GCFC2: variants seen among roughly 807,000 people sequenced by gnomAD.
GCFC2 encodes GC-rich sequence DNA-binding factor 2.
A neutral mutation model predicts 99.4 loss-of-function variants in GCFC2; 102 were observed. The observed-to-expected ratio is 1.03, with a 90% CI of 0.87 to 1.21. The LOEUF (loss-of-function observed/expected upper bound fraction) is 1.21, where lower values mean the gene tolerates loss of function less well. GCFC2 is among the 50% of genes most tolerant of loss of function. The pLI is 0.00. For synonymous variants in GCFC2, 338 were observed against 316.8 expected (o/e 1.07, Z -0.71); for missense variants, 973 against 920.9 (o/e 1.06, Z -0.73).
chr2:75,700,996 G>A (rs33915308), intron 4 of GCFC2, among the ~76,000 whole-genome samples, 194 bp downstream of exon 4: 1 of 152,016 alleles, frequency 6.6e-6, no homozygotes, highest in Non-Finnish European at 1.5e-5. Flanking sequence ...GTTGCAAAAG[G>A]CAAGGAAGAA....
At chr2:75,700,156 C>T (rs930294804) in intron 4 of GCFC2, among the ~76,000 whole-genome samples, 7 of 152,090 alleles carry the variant, frequency 4.6e-5, no homozygotes, top group African/African-American at 7.2e-5. Flanking sequence ...CTCAGCCTCC[C>T]GAGCTTTGGT....
chr2:75,683,259 T>A (rs974127818), intron 11 of GCFC2, among the ~76,000 whole-genome samples: 2 of 151,906 alleles, frequency 1.3e-5, no homozygotes, highest in African/African-American at 4.9e-5. Context: ...GCAGAAACCC[T>A]ACAAGCTACA....
rs371161074 is a variant in GCFC2, at chr2:75,680,278, G to A, written c.1727C>T (p.Ser576Leu). ...ATGTGTTATTAAACTTGTTGTCTGT[G>A]AGGTTGACAAAGGATCCCAAAGGAA... ...VEFLWDPLST[S>L]QTTSLITHCR... Residue 576 changes from serine to leucine, a missense_variant, in exon 12 of 17, where the codon TCA (serine) becomes TTA (leucine). Ser to Leu is a moderately radical substitution (Grantham distance 145). Transcript: ENST00000321027. 1 of 1,608,154 alleles carries A rather than the reference G, an allele frequency of 6.2e-7. No homozygotes were observed. The highest frequency in any genetic ancestry group is 1.3e-5 in the African/African-American group (1 of 74,874).
chr2:75,689,278 G>C (rs1428222243), intron 9 of GCFC2, 53 bp from the exon 10 acceptor site: 1 of 991,420 alleles, frequency 1.0e-6, no homozygotes, highest in East Asian at 2.5e-5. Context: ...CTTTAAGTAT[G>C]CTTCCTTAAA....
At chr2:75,689,275 T>A in intron 9 of GCFC2, 50 bp from the exon 10 acceptor site, 1 of 999,114 alleles carries the variant, frequency 1.0e-6, no homozygotes, top group Non-Finnish European at 1.6e-6. Flanking sequence ...GAACTTTAAG[T>A]ATGCTTCCTT....
intron 4 of GCFC2, among the ~76,000 whole-genome samples, chr2:75,698,824 C>T (rs1292038439): frequency 1.3e-5 from 2 of 151,884 alleles, no homozygotes; most frequent in East Asian, 1.9e-4. Flanking sequence ...CCAGCCTAGG[C>T]AACATGATGA....
chr2:75,676,878 C>A (rs1337492556), intron 12 of GCFC2, among the ~76,000 whole-genome samples: 1 of 152,144 alleles, frequency 6.6e-6, no homozygotes, highest in African/African-American at 2.4e-5. Context: ...ACAAGTCTTA[C>A]AGAATTCCTA....
At position 75,663,161 on chromosome 2, in the gene GCFC2, C is replaced by G. The variant is rs994166555; in HGVS notation, c.*1505G>C. 1 of 152,154 alleles carries G rather than the reference C, an allele frequency of 6.6e-6. No individual in the cohort carries two copies. Among genetic ancestry groups the G allele is most frequent in the African/African-American group, 2.4e-5 (1 of 41,442 alleles). The allele number at this position is 152,154 out of a possible 1,614,324, so 9.4% of individuals were successfully genotyped here. On this transcript the variant is annotated 3_prime_UTR_variant, in exon 17 of 17. Transcript: ENST00000321027. ...AGTGAATCACAAGTCCTCACTGCAA[C>G]AGACATAACAAATCCAACTCCTAAA...
intron 2 of GCFC2, among the ~76,000 whole-genome samples, chr2:75,705,341 T>C (rs1419938682): frequency 6.6e-6 from 1 of 152,098 alleles, no homozygotes; most frequent in Non-Finnish European, 1.5e-5. Flanking sequence ...GAAGCACTTA[T>C]GGCCGGGCGT....
At position 75,663,633 on chromosome 2, in the gene GCFC2, T is replaced by TAG. The variant is rs1229574444; in HGVS notation, c.*1031_*1032dup. The TAG allele has an allele frequency of 3.3e-5, 5 of 152,084 alleles. No individual in the cohort carries two copies. Among genetic ancestry groups the TAG allele is most frequent in the African/African-American group, 9.7e-5 (4 of 41,394 alleles). 9.4% of individuals were successfully genotyped at this position (152,084 alleles called of 1,614,324 possible). ...CAGCACTTTGGGAGGTCAAGGTGGGTAGACTGCTTGAGCTCAAGAGTTCGA... is the reference window on the plus strand; with the variant it reads ...CAGCACTTTGGGAGGTCAAGGTGGGTAGAGACTGCTTGAGCTCAAGAGTTCGA... On this transcript the variant is annotated 3_prime_UTR_variant, in exon 17 of 17. Coordinates refer to ENST00000321027, the MANE Select transcript of GCFC2 (RefSeq NM_003203.5).
At chr2:75,712,865 C>G (rs1399725047), upstream of GCFC2, among the ~76,000 whole-genome samples, 2 of 152,202 alleles carry the variant, frequency 1.3e-5, no homozygotes, top group African/African-American at 4.8e-5. Context: ...AAGAACCCAC[C>G]AATTCCGGAC....
chr2:75,711,246 C>T (rs2104447690), upstream of GCFC2: 1 of 983,766 alleles, frequency 1.0e-6, no homozygotes, highest in South Asian at 4.7e-5. Flanking sequence ...TTGTCTTTTA[C>T]TTTCTGGAGA....
At chr2:75,699,288 T>C (rs1445006214) in intron 4 of GCFC2, among the ~76,000 whole-genome samples, 1 of 152,224 alleles carries the variant, frequency 6.6e-6, no homozygotes, top group Admixed American at 6.5e-5. Context: ...TGGTTAGTTC[T>C]TAGGACATAA....
Position 75,710,837 on chromosome 2 carries a change from T to C in GCFC2, c.19A>G (p.Arg7Gly), listed in dbSNP as rs915164652. The C allele has an allele frequency of 5.7e-6, 9 of 1,575,608 alleles. No homozygotes were observed. In the African/African-American group the frequency reaches 1.1e-4, roughly 20 times the overall value. Reference protein sequence around the residue: MAHRPKRTFRQRAADSS... With the variant: MAHRPKGTFRQRAADSS... ...TCAGCCGCGCGCTGCCGAAAAGTCC[T>C]TTTCGGCCTGTGAGCCATGGCCGAG... Residue 7 changes from arginine to glycine, a missense_variant, in exon 1 of 17, where the codon AGG becomes GGG. By Grantham distance (125) the Arg-to-Gly change is moderately radical. Transcript: ENST00000321027.
At chr2:75,679,684 T>C (rs1372330436) in intron 12 of GCFC2, 2 of 398,060 alleles carry the variant, frequency 5.0e-6, no homozygotes, top group Non-Finnish European at 4.4e-6. Context: ...CACTGGATTT[T>C]TGCCAAAAGA....
chr2:75,705,919 A>C (rs545306020), intron 2 of GCFC2, among the ~76,000 whole-genome samples: 117 of 152,324 alleles, frequency 7.7e-4, no homozygotes, highest in African/African-American at 2.8e-3. Flanking sequence ...ACAAATATTA[A>C]GTAACTGAAA....
chr2:75,702,116 C>A, intron 3 of GCFC2, 83 bp downstream of exon 3: 1 of 1,526,234 alleles, frequency 6.6e-7, no homozygotes, highest in East Asian at 2.4e-5. Flanking sequence ...TGTGAGCCAG[C>A]ATATTACATT....
chr2:75,704,467 T>C (rs1244147747), intron 2 of GCFC2, among the ~76,000 whole-genome samples: 2 of 152,166 alleles, frequency 1.3e-5, no homozygotes, highest in East Asian at 3.9e-4. Flanking sequence ...TCAATGTGCA[T>C]AGGGGATGGG....
chr2:75,686,217 AGTTTCATT>A, intron 11 of GCFC2, among the ~76,000 whole-genome samples: 1 of 152,078 alleles, frequency 6.6e-6, no homozygotes, highest in South Asian at 2.1e-4. Context: ...ATGCACCATA[AGTTTCATT>A]GAAATAAAAT....
Sources: gnomAD v4.1 joint callset for allele counts (sites outside exome capture counted in the v4.1 genomes callset) on GRCh38, gnomAD v4.1.1 for gene constraint, MANE v1.5 for transcripts, NCBI Gene and HGNC (gene_info 2026-07-23, HGNC 2026-07-21) for gene names.